The following ADAMTS17 variants were observed in gnomAD, a reference collection of about 807,000 sequenced individuals.
ADAMTS17 encodes the protein A disintegrin and metalloproteinase with thrombospondin motifs 17.
ADAMTS17 carries 113 observed loss-of-function variants against 141.5 expected under a neutral mutation model. That is an observed-to-expected ratio of 0.80 (90% CI 0.69 to 0.93). ADAMTS17 has a LOEUF of 0.93. Among genes scored for constraint, ADAMTS17 ranks in the 40% least tolerant of loss-of-function variants. The probability of loss-of-function intolerance (pLI) is 0.00; values close to 1 mark genes in which losing one functional copy is unlikely to be tolerated. For missense variants in ADAMTS17, 1,659 were observed against 1,517.9 expected, an observed-to-expected ratio of 1.09 and a Z score of -1.54; for synonymous variants, 768 against 630.6, an observed-to-expected ratio of 1.22 and a Z score of -3.27.
At chr15:100,331,491 G>A (rs566370375) in intron 2 of ADAMTS17, among the ~76,000 whole-genome samples, 10 of 152,234 alleles carry the variant, frequency 6.6e-5, no homozygotes, top group African/African-American at 2.4e-4. Context: ...AGTAACATTA[G>A]TATTGTTTTG....
chr15:100,169,459 C>A (rs1397606762), intron 8 of ADAMTS17, among the ~76,000 whole-genome samples: 3 of 152,222 alleles, frequency 2.0e-5, no homozygotes, highest in African/African-American at 7.2e-5. Flanking sequence ...AAAATCACTA[C>A]TCATTACATA....
At chr15:100,092,405 C>T (rs1056983738) in intron 15 of ADAMTS17, among the ~76,000 whole-genome samples, 2 of 152,202 alleles carry the variant, frequency 1.3e-5, no homozygotes, top group African/African-American at 2.4e-5. Flanking sequence ...ACTGCTGGGA[C>T]GACACGTAAC....
chr15:100,078,938 G>A (rs2034556705), intron 15 of ADAMTS17, among the ~76,000 whole-genome samples: 1 of 152,106 alleles, frequency 6.6e-6, no homozygotes, highest in Non-Finnish European at 1.5e-5. Context: ...AAAGATATAT[G>A]AACAATCCAT....
chr15:100,048,712 T>A lies in ADAMTS17; in HGVS notation c.2591+145A>T, dbSNP rs999011334. 14 of 1,329,434 alleles carry A rather than the reference T, an allele frequency of 1.1e-5. No homozygotes were observed. In the South Asian group the frequency reaches 1.2e-4, roughly 11 times the overall value. The allele number at this position is 1,329,434 out of a possible 1,614,324, so 82.4% of individuals were successfully genotyped here. Reference sequence around the variant, plus strand: ...GCTTAGTAGCTGGAAATTTGGTAATTTGAGCAAGCGGAAATCTCTCATCAA... The same window carrying A: ...GCTTAGTAGCTGGAAATTTGGTAATATGAGCAAGCGGAAATCTCTCATCAA... On this transcript the variant is annotated intron_variant, in intron 18 of 21. Transcript: ENST00000268070.
intron 6 of ADAMTS17, 140 bp from the exon 7 acceptor site, chr15:100,254,319 C>A (rs747030331): frequency 1.7e-4 from 131 of 788,604 alleles, no homozygotes; most frequent in Non-Finnish European, 2.5e-4. Flanking sequence ...TGATAACAAA[C>A]AGCAGCGTTT....
rs67292654 is a variant in ADAMTS17, at chr15:100,019,999, G to GAAAA, written c.2592-22414_2592-22411dup. Among the ~76,000 whole-genome samples the GAAAA allele has an allele frequency of 5.2e-3, 780 of 150,694 alleles. 3 individuals are homozygous for GAAAA. Among genetic ancestry groups the GAAAA allele is most frequent in the Non-Finnish European group, 4.8e-3 (324 of 67,622 alleles). ...CCCAAGCCTCTTGTCCTAAGATTTG[G>GAAAA]AAAAAAAAGACTCCCAAAGCATAAT... On this transcript the variant is annotated intron_variant, in intron 18 of 21. Transcript: ENST00000268070.
At chr15:100,016,298 G>C (rs1160888338) in intron 18 of ADAMTS17, among the ~76,000 whole-genome samples, 1 of 152,124 alleles carries the variant, frequency 6.6e-6, no homozygotes, top group Admixed American at 6.6e-5. Flanking sequence ...CTTGCAGTGG[G>C]CTTTGCCTTT....
rs560357115 is a variant in ADAMTS17, at chr15:100,180,287, C to T, written c.1181+19031G>A. On this transcript the variant is annotated intron_variant, in intron 8 of 21. Coordinates refer to ENST00000268070, the MANE Select transcript of ADAMTS17 (RefSeq NM_139057.4). Reference sequence around the variant, plus strand: ...ATTGAGGAGACTGTCCTTTCCCCAACGTATGTTCTTGGCACCTTCGTCAAA... The same window carrying T: ...ATTGAGGAGACTGTCCTTTCCCCAATGTATGTTCTTGGCACCTTCGTCAAA... Among the ~76,000 whole-genome samples the T allele has an allele frequency of 1.3e-4, 20 of 152,276 alleles. No homozygotes were observed. The South Asian group carries it at 3.7e-3, about 28-fold the overall frequency.
intron 8 of ADAMTS17, among the ~76,000 whole-genome samples, chr15:100,156,816 T>TACAAACAC (rs1249446799): frequency 6.6e-6 from 1 of 152,332 alleles, no homozygotes; most frequent in East Asian, 1.9e-4. Context: ...TTTATGTGTA[T>TACAAACAC]ACAAACACAC....
rs538756134 is a variant in ADAMTS17, at chr15:100,082,471, C to T, written c.2137+13885G>A. On this transcript the variant is annotated intron_variant, in intron 15 of 21. Coordinates refer to ENST00000268070, the MANE Select transcript of ADAMTS17 (RefSeq NM_139057.4). ...TCTCAGCTAACTGTAACCTCTGCAC[C>T]CCCACCCCAGCTCATGCAATCCTCC... Among the ~76,000 whole-genome samples, 509 of 151,944 alleles carry T rather than the reference C, an allele frequency of 3.3e-3. 4 individuals carry two copies. Among genetic ancestry groups the T allele is most frequent in the Admixed American group, 4.9e-3 (75 of 15,276 alleles).
intron 14 of ADAMTS17, among the ~76,000 whole-genome samples, chr15:100,105,029 G>T (rs1027477000): frequency 6.6e-6 from 1 of 152,240 alleles, no homozygotes; most frequent in Non-Finnish European, 1.5e-5. Flanking sequence ...TCTGTCTGAA[G>T]AAAGTACTGT....
intron 3 of ADAMTS17, among the ~76,000 whole-genome samples, chr15:100,299,710 G>A (rs1286048584): frequency 1.3e-5 from 2 of 152,158 alleles, no homozygotes; most frequent in Non-Finnish European, 2.9e-5. Context: ...CTTTGACAAG[G>A]ATGTAAGAGA....
rs375173216 is a variant in ADAMTS17, at chr15:100,132,164, C to T, written c.1576-12G>A. On this transcript the variant is annotated splice_polypyrimidine_tract_variant and intron_variant, in intron 11 of 21. Transcript: ENST00000268070. The stretch of plus-strand genomic sequence containing the variant: ...CCCGCGCGGCACCACTGAAACACAG[C>T]GGGGAGGGTCGGGGCCCAGGCACTC... The T allele has an allele frequency of 2.3e-4, 372 of 1,611,388 alleles. No individual in the cohort carries two copies. Among genetic ancestry groups the T allele is most frequent in the Non-Finnish European group, 2.6e-4 (308 of 1,179,406 alleles).
At chr15:100,104,647 C>T (rs1285062429) in intron 14 of ADAMTS17, among the ~76,000 whole-genome samples, 1 of 152,114 alleles carries the variant, frequency 6.6e-6, no homozygotes, top group African/African-American at 2.4e-5. Context: ...CAAACCACGG[C>T]AATATTTCTG....
intron 8 of ADAMTS17, among the ~76,000 whole-genome samples, chr15:100,167,771 G>A (rs1033034342): frequency 3.9e-5 from 6 of 152,350 alleles, no homozygotes; most frequent in African/African-American, 1.4e-4. Context: ...ATAATTATGG[G>A]AAAAGGTCTT....
chr15:100,118,960 T>A (rs1270799426), intron 12 of ADAMTS17, among the ~76,000 whole-genome samples: 1 of 151,590 alleles, frequency 6.6e-6, no homozygotes, highest in African/African-American at 2.4e-5. Flanking sequence ...ACAGACAAAA[T>A]TAGTTAAAAT....
intron 7 of ADAMTS17, among the ~76,000 whole-genome samples, chr15:100,223,664 C>A (rs1295350711): frequency 1.3e-5 from 2 of 151,274 alleles, no homozygotes; most frequent in East Asian, 1.9e-4. Flanking sequence ...CACACACACA[C>A]CCACAGACAC....
chr15:100,045,466 G>A (rs1216765281), intron 18 of ADAMTS17, among the ~76,000 whole-genome samples: 1 of 152,132 alleles, frequency 6.6e-6, no homozygotes, highest in East Asian at 1.9e-4. Flanking sequence ...TAAAACTCCA[G>A]GCACTGTCTC....
intron 19 of ADAMTS17, among the ~76,000 whole-genome samples, chr15:99,995,260 C>T (rs923807291): frequency 6.6e-6 from 1 of 152,248 alleles, no homozygotes; most frequent in Non-Finnish European, 1.5e-5. Flanking sequence ...ATCCACACAA[C>T]TTGCTCCTCT....
Sources: allele counts gnomAD v4.1 joint callset (sites outside exome capture counted in the v4.1 genomes callset), GRCh38; gene constraint gnomAD v4.1.1; transcripts MANE v1.5; gene names NCBI Gene and HGNC (gene_info 2026-07-23, HGNC 2026-07-21).